The following NOL4 variants were observed in gnomAD, a reference collection of about 807,000 sequenced individuals.
The protein encoded by NOL4 is nucleolar protein 4, also known as cancer/testis antigen 125.
NOL4 carries 17 observed loss-of-function variants against 75.9 expected under a neutral mutation model. That is an observed-to-expected ratio of 0.22 (90% CI 0.15 to 0.34). The LOEUF (loss-of-function observed/expected upper bound fraction) is 0.34. Ranked by LOEUF, NOL4 falls within the 10% of genes least tolerant of loss-of-function variation. The pLI, the probability that NOL4 is intolerant of heterozygous loss-of-function variation, is 1.00. For missense variants in NOL4, 614 were observed against 793.5 expected (o/e 0.77, Z 2.72); for synonymous variants, 292 against 289.9 (o/e 1.01, Z -0.07).
chr18:34,084,670 G>A (rs1346541231), intron 5 of NOL4, among the ~76,000 whole-genome samples: 1 of 152,100 alleles, frequency 6.6e-6, no homozygotes, highest in Non-Finnish European at 1.5e-5. Context: ...TAATTACACT[G>A]TAAATTTATA....
At chr18:34,070,598 T>C (rs747118081) in intron 5 of NOL4, among the ~76,000 whole-genome samples, 2 of 152,206 alleles carry the variant, frequency 1.3e-5, no homozygotes, top group Non-Finnish European at 2.9e-5. Flanking sequence ...TGTAGAGTTA[T>C]ACAGTCAGTG....
At chr18:33,935,236 A>G (rs575265286) in intron 9 of NOL4, among the ~76,000 whole-genome samples, 7 of 152,248 alleles carry the variant, frequency 4.6e-5, no homozygotes, top group African/African-American at 1.7e-4. Context: ...TTGGTGCAAG[A>G]GGCAGAGCTT....
At chr18:34,141,806 T>C (rs1164142158) in intron 1 of NOL4, among the ~76,000 whole-genome samples, 1 of 151,712 alleles carries the variant, frequency 6.6e-6, no homozygotes, top group Non-Finnish European at 1.5e-5. Flanking sequence ...CCAAAAGCAA[T>C]GGCAACAAAA....
Position 34,222,979 on chromosome 18 carries a change from G to A in NOL4, c.264+11C>T. The A allele has an allele frequency of 1.9e-6, 3 of 1,603,752 alleles. No homozygotes were observed. Among genetic ancestry groups the A allele is most frequent in the South Asian group, 2.2e-5 (2 of 91,052 alleles). ...CGGCAGACAAATAACAGAGGAAGGC[G>A]AGTCACTCACCGTGGTCTTGACAGG... is the stretch of plus-strand genomic sequence containing the variant. On this transcript the variant is annotated intron_variant, in intron 1 of 10. Transcript: ENST00000261592.
intron 1 of NOL4, among the ~76,000 whole-genome samples, chr18:34,209,194 C>CAAAAAAAAA (rs777403436): frequency 1.8e-5 from 1 of 56,424 alleles, no homozygotes; most frequent in Admixed American, 1.9e-4. Flanking sequence ...ACTCTGTCTC[C>CAAAAAAAAA]AAAAAAAAAA....
intron 1 of NOL4, among the ~76,000 whole-genome samples, chr18:34,152,868 G>A (rs2081711437): frequency 6.6e-6 from 1 of 151,794 alleles, no homozygotes; most frequent in Non-Finnish European, 1.5e-5. Flanking sequence ...TAATTGAAAG[G>A]GAATACTAAA....
intron 6 of NOL4, among the ~76,000 whole-genome samples, chr18:33,968,751 C>T (rs1021095678): frequency 2.6e-5 from 4 of 152,056 alleles, no homozygotes; most frequent in African/African-American, 9.7e-5. Flanking sequence ...ATGTAACAAA[C>T]CTGCACATGT....
intron 6 of NOL4, among the ~76,000 whole-genome samples, chr18:33,961,045 T>C (rs1022183449): frequency 6.6e-6 from 1 of 152,044 alleles, no homozygotes; most frequent in African/African-American, 2.4e-5. Context: ...TACATGGAGC[T>C]TTAACCTTGA....
chr18:34,044,064 T>C (rs778746226), intron 5 of NOL4, among the ~76,000 whole-genome samples: 54 of 152,120 alleles, frequency 3.5e-4, no homozygotes, highest in Non-Finnish European at 6.8e-4. Flanking sequence ...TCAGACTTCA[T>C]AGTCACGTTT....
At chr18:33,886,630 TAACTC>T (rs912562129) in intron 9 of NOL4, among the ~76,000 whole-genome samples, 2 of 150,322 alleles carry the variant, frequency 1.3e-5, no homozygotes, top group African/African-American at 2.4e-5. Flanking sequence ...CATATTAAAA[TAACTC>T]AGAGAGTGTA....
In NOL4 at chr18:34,019,301, T is replaced by C. The variant is rs745630307; in HGVS notation, c.1056+17A>G. 1.0e-5 allele frequency: 16 copies of C among 1,603,834 alleles called. No individual in the cohort carries two copies. In the East Asian group the frequency reaches 3.4e-4, roughly 34 times the overall value. On this transcript the variant is annotated intron_variant, in intron 6 of 10. Transcript: ENST00000261592. ...ATGACCAACTCAAAAATTCTGGAAA[T>C]TGTAATGTGATCATACCTTGCTTCC...
chr18:33,877,826 TTGTGTGTGTG>T (rs113939972), intron 10 of NOL4, among the ~76,000 whole-genome samples: 2 of 148,132 alleles, frequency 1.4e-5, no homozygotes, highest in Admixed American at 6.7e-5. Context: ...TGTTGTGTGA[TTGTGTGTGTG>T]TGTGTGTGTG....
intron 8 of NOL4, among the ~76,000 whole-genome samples, chr18:33,956,506 G>A (rs771875860): frequency 5.9e-5 from 9 of 151,960 alleles, no homozygotes; most frequent in Admixed American, 1.3e-4. Context: ...CTTTTATGGC[G>A]CCTTCTCAAA....
intron 4 of NOL4, among the ~76,000 whole-genome samples, chr18:34,102,766 AT>A (rs2079100186): frequency 6.6e-6 from 1 of 151,804 alleles, no homozygotes; most frequent in Non-Finnish European, 1.5e-5. Flanking sequence ...ACATTTAAAA[AT>A]TTTTTTCAAC....
intron 8 of NOL4, among the ~76,000 whole-genome samples, chr18:33,943,504 T>A (rs2068634327): frequency 6.6e-6 from 1 of 151,650 alleles, no homozygotes; most frequent in African/African-American, 2.4e-5. Context: ...TAAAACAAGG[T>A]CTTTAATTCT....
At chr18:33,923,054 C>T (rs996838945) in intron 9 of NOL4, among the ~76,000 whole-genome samples, 12 of 152,064 alleles carry the variant, frequency 7.9e-5, no homozygotes, top group African/African-American at 2.9e-4. Context: ...GTCAGCTGCA[C>T]AATTTTCATA....
rs190130865 is a variant in NOL4, at chr18:33,952,240, C to A, written c.1428+5086G>T. Among the ~76,000 whole-genome samples the A allele has an allele frequency of 1.5e-3, 229 of 152,170 alleles. 1 individual carries two copies. The highest frequency in any genetic ancestry group is 2.8e-3 in the Non-Finnish European group (193 of 67,992). The stretch of plus-strand genomic sequence containing the variant: ...GTAAAAGATGCAGTGATAAGTAGCT[C>A]TGAAAAATATATTGGCTATATTCTT... On this transcript the variant is annotated intron_variant, in intron 8 of 10. Coordinates refer to ENST00000261592, the MANE Select transcript of NOL4 (RefSeq NM_003787.5).
chr18:33,963,922 T>C (rs2070360870), intron 6 of NOL4, among the ~76,000 whole-genome samples: 1 of 152,014 alleles, frequency 6.6e-6, no homozygotes, highest in Non-Finnish European at 1.5e-5. Context: ...ACAGCTGCGG[T>C]TGGGAGCTGT....
intron 5 of NOL4, among the ~76,000 whole-genome samples, chr18:34,032,503 A>C (rs2075688015): frequency 6.6e-6 from 1 of 152,162 alleles, no homozygotes; most frequent in African/African-American, 2.4e-5. Context: ...CTGGGGCCTG[A>C]GGTTGGGACT....
Sources: gnomAD v4.1 joint callset for allele counts (sites outside exome capture counted in the v4.1 genomes callset) on GRCh38, gnomAD v4.1.1 for gene constraint, MANE v1.5 for transcripts, NCBI Gene and HGNC (gene_info 2026-07-23, HGNC 2026-07-21) for gene names.